Variants in ETV5 observed in about 807,000 individuals in gnomAD.
ETV5 encodes ETS translocation variant 5.
A neutral mutation model predicts 70.0 loss-of-function variants in ETV5; 10 were observed. The observed-to-expected ratio is 0.14, with a 90% CI of 0.09 to 0.24. The LOEUF (loss-of-function observed/expected upper bound fraction) is 0.24. ETV5 is among the 10% of genes least tolerant of loss of function. The probability of loss-of-function intolerance (pLI) is 1.00; values close to 1 mark genes in which losing one functional copy is unlikely to be tolerated. For synonymous variants in ETV5, 216 were observed against 242.2 expected, an observed-to-expected ratio of 0.89 and a Z score of 1.01; for missense variants, 453 against 651.2, an observed-to-expected ratio of 0.70 and a Z score of 3.31.
chr3:186,106,847 A>G (rs997595146), intron 1 of ETV5: 3 of 653,848 alleles, frequency 4.6e-6, no homozygotes, highest in Non-Finnish European at 5.7e-6. Context: ...GGAATAAAGT[A>G]ACAATTTCAG....
chr3:186,081,029 T>C lies in ETV5; in HGVS notation c.362+17A>G. ...CCTTTCTGGGCAGCCTTTCTTCGAC[T>C]CCTCTTGCCCACTCACCAATAGTTG... is the stretch of plus-strand genomic sequence containing the variant. On this transcript the variant is annotated intron_variant, in intron 6 of 12. Coordinates refer to ENST00000306376, the MANE Select transcript of ETV5 (RefSeq NM_004454.3). 6.3e-7 allele frequency: 1 copy of C among 1,593,338 alleles called. No individual in the cohort carries two copies. Among genetic ancestry groups the C allele is most frequent in the Non-Finnish European group, 8.6e-7 (1 of 1,168,322 alleles).
intron 5 of ETV5, among the ~76,000 whole-genome samples, chr3:186,097,545 G>A (rs1002226463): frequency 6.6e-6 from 1 of 152,118 alleles, no homozygotes; most frequent in Non-Finnish European, 1.5e-5. Flanking sequence ...CCCTCTCCAG[G>A]GGAAGCTAAA....
At chr3:186,065,725 TCC>T in intron 8 of ETV5, 86 bp downstream of exon 8, 1 of 1,462,886 alleles carries the variant, frequency 6.8e-7, no homozygotes, top group Non-Finnish European at 9.2e-7. Context: ...AAAATTCCTG[TCC>T]CCAAGGCCCT....
At chr3:186,096,113 T>C (rs1714296759) in intron 5 of ETV5, among the ~76,000 whole-genome samples, 1 of 152,262 alleles carries the variant, frequency 6.6e-6, no homozygotes, top group Non-Finnish European at 1.5e-5. Flanking sequence ...AACCCTATGC[T>C]GTTTCCACCT....
chr3:186,064,725 T>C (rs527775310), intron 8 of ETV5, among the ~76,000 whole-genome samples: 15 of 152,310 alleles, frequency 9.8e-5, no homozygotes, highest in Non-Finnish European at 2.1e-4. Flanking sequence ...TTCACTCTCA[T>C]TGTTCACTTA....
At chr3:186,070,309 T>G (rs898646987) in intron 7 of ETV5, among the ~76,000 whole-genome samples, 1 of 152,246 alleles carries the variant, frequency 6.6e-6, no homozygotes, top group African/African-American at 2.4e-5. Context: ...CCAGAGCCTC[T>G]GCAGCTGGCA....
chr3:186,066,928 G>C (rs1007829144), intron 7 of ETV5, among the ~76,000 whole-genome samples: 1 of 152,158 alleles, frequency 6.6e-6, no homozygotes, highest in Non-Finnish European at 1.5e-5. Context: ...CAAATTAGTT[G>C]GGGAAAAAAG....
chr3:186,050,409 C>T (rs965242876), intron 12 of ETV5, among the ~76,000 whole-genome samples: 1 of 152,164 alleles, frequency 6.6e-6, no homozygotes, highest in Non-Finnish European at 1.5e-5. Context: ...TGCATCTCCC[C>T]ATGCTGGATG....
At chr3:186,077,791 A>AG (rs1157510812) in intron 7 of ETV5, among the ~76,000 whole-genome samples, 1 of 152,228 alleles carries the variant, frequency 6.6e-6, no homozygotes, top group Admixed American at 6.5e-5. Context: ...CCAAGTGCCC[A>AG]GTGTTGTTTG....
chr3:186,096,243 C>T (rs912294756), intron 5 of ETV5, among the ~76,000 whole-genome samples: 1 of 152,138 alleles, frequency 6.6e-6, no homozygotes, highest in African/African-American at 2.4e-5. Context: ...GTTATCCCCC[C>T]TCAATTATTC....
intron 5 of ETV5, among the ~76,000 whole-genome samples, chr3:186,085,950 T>A (rs1231219869): frequency 6.6e-6 from 1 of 152,190 alleles, no homozygotes; most frequent in African/African-American, 2.4e-5. Flanking sequence ...GCATCTTCTA[T>A]AGCCAGTCAC....
intron 7 of ETV5, among the ~76,000 whole-genome samples, chr3:186,075,510 T>C (rs544278494): frequency 6.6e-6 from 1 of 152,366 alleles, no homozygotes; most frequent in East Asian, 1.9e-4. Flanking sequence ...TTATCTAGCA[T>C]CCTTAAGGAA....
In ETV5 at chr3:186,105,564, C is replaced by A; in HGVS notation, c.133+61G>T. On this transcript the variant is annotated intron_variant, in intron 3 of 12. Coordinates refer to ENST00000306376, the MANE Select transcript of ETV5 (RefSeq NM_004454.3). The surrounding 1 kb of genome is among the most constrained non-coding windows in gnomAD (Gnocchi z 4.5). ...CGCTAGGGAGAAGACAGGGAAGAAT[C>A]TACACGCTACTGTCACTGGGAGCAG... 1.2e-6 allele frequency: 2 copies of A among 1,611,942 alleles called. No individual in the cohort carries two copies. Among genetic ancestry groups the A allele is most frequent in the Non-Finnish European group, 8.5e-7 (1 of 1,177,966 alleles).
intron 7 of ETV5, chr3:186,079,396 A>G (rs530204937): frequency 4.2e-6 from 1 of 237,418 alleles, no homozygotes; most frequent in South Asian, 1.6e-4. Context: ...AAGTAATATT[A>G]CCTTGTATAA....
At chr3:186,087,509 G>A (rs1214808548) in intron 5 of ETV5, among the ~76,000 whole-genome samples, 2 of 152,062 alleles carry the variant, frequency 1.3e-5, no homozygotes, top group African/African-American at 4.8e-5. Context: ...AAGCAGCCTG[G>A]TCCTCATCAA....
At chr3:186,060,637 A>G (rs1381732459) in intron 9 of ETV5, among the ~76,000 whole-genome samples, 1 of 152,232 alleles carries the variant, frequency 6.6e-6, no homozygotes, top group Non-Finnish European at 1.5e-5. Flanking sequence ...TCAAGCCTGT[A>G]TAAGGATAGG....
At chr3:186,064,701 GA>G (rs1434018679) in intron 8 of ETV5, 15 of 524,090 alleles carry the variant, frequency 2.9e-5, no homozygotes, top group South Asian at 5.8e-5. Flanking sequence ...GTCACGGGAG[GA>G]AAAAAAAGAT....
chr3:186,101,461 AT>A (rs63111860), intron 5 of ETV5, among the ~76,000 whole-genome samples: 5 of 151,920 alleles, frequency 3.3e-5, no homozygotes, highest in African/African-American at 1.2e-4. Flanking sequence ...GTTTTTTATA[AT>A]TTTTTTCTTT....
At chr3:186,101,994 G>A (rs1266641658) in intron 5 of ETV5, among the ~76,000 whole-genome samples, 1 of 152,112 alleles carries the variant, frequency 6.6e-6, no homozygotes, top group Admixed American at 6.5e-5. Context: ...ATATGTGTGA[G>A]GTAGAGGTGA....
Sources: allele counts gnomAD v4.1 joint callset (sites outside exome capture counted in the v4.1 genomes callset), GRCh38; gene constraint gnomAD v4.1.1; non-coding constraint Gnocchi (gnomAD v3.1); transcripts MANE v1.5; gene names NCBI Gene and HGNC (gene_info 2026-07-23, HGNC 2026-07-21).